LGR4: variants seen among roughly 807,000 people sequenced by gnomAD.
LGR4 encodes leucine rich repeat containing G protein-coupled receptor 4.
LGR4 carries 44 observed loss-of-function variants against 84.8 expected under a neutral mutation model. That is an observed-to-expected ratio of 0.52 (90% CI 0.41 to 0.67). The LOEUF (loss-of-function observed/expected upper bound fraction) is 0.67. LGR4 is among the 30% of genes least tolerant of loss of function. The pLI, the probability that LGR4 is intolerant of heterozygous loss-of-function variation, is 0.00. For synonymous variants in LGR4, 429 were observed against 434.3 expected, an observed-to-expected ratio of 0.99 and a Z score of 0.15; for missense variants, 1,032 against 1,131.4, an observed-to-expected ratio of 0.91 and a Z score of 1.26.
chr11:27,452,764 C>CTGG (rs1260008805), intron 1 of LGR4, among the ~76,000 whole-genome samples: 1 of 150,440 alleles, frequency 6.6e-6, no homozygotes, highest in Non-Finnish European at 1.5e-5. Flanking sequence ...GCTGGGACTA[C>CTGG]AGGTGCCCGC....
At chr11:27,409,759 A>G (rs1163051157) in intron 2 of LGR4, among the ~76,000 whole-genome samples, 2 of 152,106 alleles carry the variant, frequency 1.3e-5, no homozygotes, top group Non-Finnish European at 2.9e-5. Flanking sequence ...CCTTCCACAT[A>G]CTATGAAGTT....
intron 2 of LGR4, among the ~76,000 whole-genome samples, chr11:27,409,548 G>A (rs376039699): frequency 6.6e-6 from 1 of 151,954 alleles, no homozygotes; most frequent in Non-Finnish European, 1.5e-5. Context: ...GTTATTCAGG[G>A]CAAAAACCCT....
intron 2 of LGR4, among the ~76,000 whole-genome samples, chr11:27,402,866 A>C (rs141421689): frequency 6.6e-6 from 1 of 152,148 alleles, no homozygotes; most frequent in African/African-American, 2.4e-5. Flanking sequence ...GTACACAGTC[A>C]TCTAGTGATC....
intron 2 of LGR4, among the ~76,000 whole-genome samples, chr11:27,394,426 G>C (rs183901903): frequency 5.9e-5 from 9 of 151,770 alleles, no homozygotes; most frequent in African/African-American, 2.2e-4. Flanking sequence ...TTTTTGAGAC[G>C]GAGTCTCACT....
intron 1 of LGR4, among the ~76,000 whole-genome samples, chr11:27,453,150 C>T (rs941048679): frequency 2.0e-5 from 3 of 151,854 alleles, no homozygotes; most frequent in Non-Finnish European, 4.4e-5. Context: ...CTCACCACAA[C>T]CTCCACCTCC....
chr11:27,407,661 G>A (rs933351115), intron 2 of LGR4, among the ~76,000 whole-genome samples: 4 of 152,100 alleles, frequency 2.6e-5, no homozygotes, highest in Admixed American at 2.0e-4. Flanking sequence ...ATAATATCCT[G>A]GACCAGAATA....
intron 3 of LGR4, among the ~76,000 whole-genome samples, chr11:27,392,046 G>A (rs1462254257): frequency 6.6e-6 from 1 of 152,112 alleles, no homozygotes; most frequent in Non-Finnish European, 1.5e-5. Flanking sequence ...ATTCCCTTGA[G>A]CTCTAAAATT....
intron 1 of LGR4, among the ~76,000 whole-genome samples, chr11:27,423,484 C>T (rs916403793): frequency 2.6e-5 from 4 of 152,148 alleles, no homozygotes; most frequent in Non-Finnish European, 5.9e-5. Flanking sequence ...GCTCTGATGG[C>T]CATTTTTTAA....
At chr11:27,472,048 C>T in intron 1 of LGR4, 70 bp downstream of exon 1, 1 of 1,152,012 alleles carries the variant, frequency 8.7e-7, no homozygotes, top group Non-Finnish European at 1.1e-6. Context: ...ACCCCTGGCT[C>T]CGCCCCGCGG....
chr11:27,373,901 G>T, intron 14 of LGR4, 74 bp downstream of exon 14: 2 of 1,141,770 alleles, frequency 1.8e-6, no homozygotes, highest in South Asian at 1.3e-5. Flanking sequence ...ATTTTGATTC[G>T]ACAATGTTAA....
chr11:27,424,712 C>G (rs1863988164), intron 1 of LGR4, among the ~76,000 whole-genome samples: 2 of 152,076 alleles, frequency 1.3e-5, no homozygotes, highest in Non-Finnish European at 2.9e-5. Context: ...AGCAACCCGA[C>G]CTGATCATGT....
rs1460767531 is a variant in LGR4, at chr11:27,372,347, G to A, written c.1431C>T (p.Asp477=). 5 of 1,613,750 alleles carry A rather than the reference G, an allele frequency of 3.1e-6. No homozygotes were observed. In the Admixed American group the frequency reaches 8.3e-5, roughly 27 times the overall value. The change falls in exon 16 of 18, where the codon GAC becomes GAT. Residue 477 remains aspartate (D), a synonymous_variant. Transcript: ENST00000379214. The part of the protein sequence containing the change: ...AYQCCAFWGC[D]SYANLNTEDN... Reference sequence around the variant, plus strand: ...CTTCTGTGTTTAAATTTGCATAAGAGTCACAACCCCAAAATGCACAGCACT... The same window carrying A: ...CTTCTGTGTTTAAATTTGCATAAGAATCACAACCCCAAAATGCACAGCACT...
intron 1 of LGR4, among the ~76,000 whole-genome samples, chr11:27,456,405 A>C (rs1864578143): frequency 6.6e-6 from 1 of 152,220 alleles, no homozygotes; most frequent in African/African-American, 2.4e-5. Context: ...AAAAAGGCTC[A>C]TGGGTGATTC....
chr11:27,426,489 A>C (rs554167769), intron 1 of LGR4, among the ~76,000 whole-genome samples: 2 of 152,312 alleles, frequency 1.3e-5, no homozygotes, highest in East Asian at 3.9e-4. Context: ...AGTGGTTAAC[A>C]ATTTCCCCAA....
intron 2 of LGR4, 53 bp downstream of exon 2, chr11:27,412,736 A>G: frequency 9.0e-7 from 1 of 1,108,040 alleles, no homozygotes; most frequent in South Asian, 1.2e-5. Context: ...AAAAGCTTCC[A>G]AAATGAATTG....
At chr11:27,435,198 TG>T in intron 1 of LGR4, among the ~76,000 whole-genome samples, 1 of 151,898 alleles carries the variant, frequency 6.6e-6, no homozygotes, top group Admixed American at 6.6e-5. Context: ...CTGGGCATGG[TG>T]ACGCACGCCT....
In LGR4 at chr11:27,380,328, C is replaced by T; in HGVS notation, c.914G>A (p.Gly305Asp). 1 of 1,609,156 alleles carries T rather than the reference C, an allele frequency of 6.2e-7. No homozygotes were observed. The highest frequency in any genetic ancestry group is 1.7e-4 in the Middle Eastern group (1 of 6,048). ...LSDLHSLVIR[G>D]ASMVQQFPNL... ...GGGGAACTGCTGCACCATGCTTGCA[C>T]CACGAATGACTCTTTATGAAATTGA... is the stretch of plus-strand genomic sequence containing the variant. The change falls in exon 10 of 18, where the codon GGT becomes GAT. Residue 305 changes from glycine (G) to aspartate (D), a missense_variant. Gly to Asp is a moderately conservative substitution (Grantham distance 94). Transcript: ENST00000379214.
chr11:27,423,323 T>A (rs1863957249), intron 1 of LGR4, among the ~76,000 whole-genome samples: 1 of 152,162 alleles, frequency 6.6e-6, no homozygotes, highest in Admixed American at 6.5e-5. Context: ...CTGCCAACCG[T>A]CAGAGCCTGA....
At chr11:27,400,612 C>T (rs149945076) in intron 2 of LGR4, among the ~76,000 whole-genome samples, 1,994 of 152,008 alleles carry the variant, frequency 0.013, 44 homozygotes, top group African/African-American at 0.046. Context: ...AAGCGATTCC[C>T]TTGCCTCAGC....
Sources: allele counts gnomAD v4.1 joint callset (sites outside exome capture counted in the v4.1 genomes callset), GRCh38; gene constraint gnomAD v4.1.1; transcripts MANE v1.5; gene names NCBI Gene and HGNC (gene_info 2026-07-23, HGNC 2026-07-21).